NUP153: variants seen among roughly 807,000 people sequenced by gnomAD.
NUP153 encodes nucleoporin 153, also known as nuclear pore complex protein Nup153.
In NUP153, 27 loss-of-function variants were observed where a neutral mutation model predicts 134.6. The ratio of observed to expected loss-of-function variants is 0.20; its 90% confidence interval spans 0.15 to 0.28. NUP153 has a LOEUF of 0.28. Ranked by LOEUF, NUP153 falls within the 10% of genes least tolerant of loss-of-function variation. The pLI, the probability that NUP153 is intolerant of heterozygous loss-of-function variation, is 1.00. For missense variants in NUP153, 1,821 were observed against 1,731.3 expected (o/e 1.05, Z -0.92); for synonymous variants, 640 against 623.5 (o/e 1.03, Z -0.40).
rs370220295 is a variant in NUP153, at chr6:17,656,963, T to C, written c.1395+4690A>G. Among the ~76,000 whole-genome samples the C allele has an allele frequency of 2.1e-4, 32 of 152,332 alleles. No homozygotes were observed. In the East Asian group the frequency reaches 5.0e-3, roughly 24 times the overall value. On this transcript the variant is annotated intron_variant, in intron 11 of 21. Coordinates refer to ENST00000262077, the MANE Select transcript of NUP153 (RefSeq NM_005124.4). Reference sequence around the variant, plus strand: ...TTCCAGCCAATTTCAGTCAGTTTTGTTATCTTGCAAGTGGAGAGGGCTTTA... The same window carrying C: ...TTCCAGCCAATTTCAGTCAGTTTTGCTATCTTGCAAGTGGAGAGGGCTTTA...
chr6:17,664,945 C>CG (rs1047687459), intron 9 of NUP153, among the ~76,000 whole-genome samples: 7 of 149,934 alleles, frequency 4.7e-5, no homozygotes, highest in South Asian at 2.1e-4. Flanking sequence ...CCCAGCTACT[C>CG]GGGGGGCTGA....
rs1310817984 is a variant in NUP153 at position 17,629,435 on chromosome 6, C to G, written c.2764G>C (p.Gly922Arg). Residue 922 changes from glycine (G) to arginine (R), a missense_variant, in exon 18 of 22, where the codon GGA (glycine) becomes CGA (arginine). By Grantham distance (125) the Gly-to-Arg change is moderately radical. Transcript: ENST00000262077. Reference sequence around the variant, plus strand: ...CCCTGATCTCCAAATTTAAAATTTCCAGTGCTTGTTAAAGTCTGAGAAGGC... The same window carrying G: ...CCCTGATCTCCAAATTTAAAATTTCGAGTGCTTGTTAAAGTCTGAGAAGGC... ...SGPSQTLTST[G>R]NFKFGDQGGF... The G allele has an allele frequency of 6.2e-7, 1 of 1,613,976 alleles. No individual in the cohort carries two copies. The highest frequency in any genetic ancestry group is 1.1e-5 in the South Asian group (1 of 91,072).
chr6:17,669,597 T>C (rs1383544286), intron 5 of NUP153, 51 bp from the exon 6 acceptor site: 1 of 1,202,216 alleles, frequency 8.3e-7, no homozygotes, highest in Non-Finnish European at 1.2e-6. Context: ...CTAAGGCACA[T>C]ATTTCATGCA....
intron 11 of NUP153, among the ~76,000 whole-genome samples, chr6:17,660,906 A>T (rs1277604402): frequency 6.6e-6 from 1 of 152,210 alleles, no homozygotes; most frequent in Non-Finnish European, 1.5e-5. Context: ...ATGTATCCTG[A>T]TGGCAGAATG....
At chr6:17,693,187 CA>C (rs1769389028) in intron 1 of NUP153, among the ~76,000 whole-genome samples, 5 of 92,686 alleles carry the variant, frequency 5.4e-5, no homozygotes, top group African/African-American at 1.8e-4. Flanking sequence ...TTTTCCTACA[CA>C]CACACACACA....
In NUP153 at chr6:17,649,061, T is replaced by C. The variant is rs890923158; in HGVS notation, c.1533+102A>G. 7 of 1,086,246 alleles carry C rather than the reference T, an allele frequency of 6.4e-6. No homozygotes were observed. In the African/African-American group the frequency reaches 9.8e-5, roughly 15 times the overall value. 67.3% of individuals were successfully genotyped at this position (1,086,246 alleles called of 1,614,324 possible). A position where few individuals can be genotyped will look rare whatever the true frequency, so the allele number is the denominator to read the frequency against. ...TTTCTCTGTTTACTATGTTATTAAT[T>C]TCCATAATGAAAATTAAACACTGTT... On this transcript the variant is annotated intron_variant, in intron 12 of 21. Transcript: ENST00000262077.
chr6:17,687,299 C>A lies in NUP153; in HGVS notation c.334+1097G>T, dbSNP rs566117304. Among the ~76,000 whole-genome samples, 63 of 152,096 alleles carry A rather than the reference C, an allele frequency of 4.1e-4. 1 individual carries two copies. In the South Asian group the frequency reaches 0.013, roughly 32 times the overall value. ...AACCAAAAGGAAACAAATCTCATAA[C>A]CAGGAAACAGAGGGGGGAAAACAGA... On this transcript the variant is annotated intron_variant, in intron 2 of 21. Transcript: ENST00000262077.
At chr6:17,644,261 G>A (rs1053503301) in intron 14 of NUP153, among the ~76,000 whole-genome samples, 4 of 151,990 alleles carry the variant, frequency 2.6e-5, no homozygotes, top group African/African-American at 9.7e-5. Flanking sequence ...AACGCTTTTC[G>A]ATAAGGTAAT....
chr6:17,683,871 T>C (rs981587148), intron 2 of NUP153, among the ~76,000 whole-genome samples: 2 of 152,164 alleles, frequency 1.3e-5, no homozygotes, highest in African/African-American at 4.8e-5. Flanking sequence ...GTTTAGATGT[T>C]TGTCCCTCCA....
rs1203568256 is a variant in NUP153 at position 17,675,019 on chromosome 6, A to G, written c.738T>C (p.Ser246=). 10 of 1,613,206 alleles carry G rather than the reference A, an allele frequency of 6.2e-6. No individual in the cohort carries two copies. The highest frequency in any genetic ancestry group is 7.6e-6 in the Non-Finnish European group (9 of 1,179,710). Residue 246 remains serine (S), a synonymous_variant, in exon 5 of 22, where the codon TCT becomes TCC. Coordinates refer to ENST00000262077, the MANE Select transcript of NUP153 (RefSeq NM_005124.4). This position sits in a 1 kb window ranked among gnomAD's most constrained non-coding sequence, Gnocchi z 4.4. ...CAAGCTGACTGGTTTTAAGGATTGAAGAATTCCCAAGTGACTGCACAGAAA... is the reference window on the plus strand; with the variant it reads ...CAAGCTGACTGGTTTTAAGGATTGAGGAATTCCCAAGTGACTGCACAGAAA... The part of the protein sequence containing the change: ...FGTLSPSLGN[S]SILKTSQLGD...
At chr6:17,634,900 C>T (rs140596634) in intron 16 of NUP153, among the ~76,000 whole-genome samples, 1,771 of 151,302 alleles carry the variant, frequency 0.012, 33 homozygotes, top group African/African-American at 0.041. Flanking sequence ...CCACACTGGA[C>T]AAAAAGAATT....
At position 17,625,941 on chromosome 6, in the gene NUP153, T is replaced by C; in HGVS notation, c.3768A>G (p.Gln1256=). ...SSTSQSLLFS[Q]DSKLATTSST... is the part of the protein sequence containing the mutation. ...TGGATGTGGTTGCTAGTTTGCTATC[T>C]TGAGAAAATAGCAAAGACTGAGAGG... The change falls in exon 19 of 22, where the codon CAA becomes CAG. Residue 1256 remains glutamine, a synonymous_variant. Coordinates refer to ENST00000262077, the MANE Select transcript of NUP153 (RefSeq NM_005124.4). This position sits in a 1 kb window ranked among gnomAD's most constrained non-coding sequence, Gnocchi z 4.7. 6.2e-7 allele frequency: 1 copy of C among 1,614,140 alleles called. No homozygotes were observed. The highest frequency in any genetic ancestry group is 8.5e-7 in the Non-Finnish European group (1 of 1,180,012).
chr6:17,637,695 G>A lies in NUP153; in HGVS notation c.1922C>T (p.Ala641Val), dbSNP rs903113441. Residue 641 changes from alanine to valine, a missense_variant, in exon 16 of 22, where the codon GCA becomes GTA. Ala to Val is a moderately conservative substitution (Grantham distance 64). Transcript: ENST00000262077. ...TCCACTAGAAGAAAAGCTACTTATT[G>A]CTGGTCTTGTATAAACTACTGGGCT... ...ATSPVVYTRP[A>V]ISSFSSSGIG... 6.2e-7 allele frequency: 1 copy of A among 1,610,822 alleles called. No individual in the cohort carries two copies. The highest frequency in any genetic ancestry group is 1.3e-5 in the African/African-American group (1 of 74,902).
chr6:17,637,917 A>T (rs1765644310), intron 15 of NUP153, 147 bp from the exon 16 acceptor site: 2 of 880,688 alleles, frequency 2.3e-6, no homozygotes, highest in Admixed American at 6.0e-5. Flanking sequence ...TTTTCACTTA[A>T]GTAATCATAT....
intron 5 of NUP153, among the ~76,000 whole-genome samples, chr6:17,672,873 T>C (rs1767999944): frequency 6.6e-6 from 1 of 152,070 alleles, no homozygotes; most frequent in African/African-American, 2.4e-5. Context: ...CAATACCTCA[T>C]ACCACACACA....
intron 14 of NUP153, among the ~76,000 whole-genome samples, chr6:17,641,915 T>C (rs755034019): frequency 1.2e-4 from 18 of 152,084 alleles, no homozygotes; most frequent in South Asian, 2.1e-4. Context: ...GCTGGCTAAA[T>C]AGTATATGGG....
intron 21 of NUP153, 31 bp from the exon 22 acceptor site, chr6:17,616,212 A>G (rs1239429771): frequency 2.2e-6 from 3 of 1,349,188 alleles, no homozygotes; most frequent in Non-Finnish European, 3.0e-6. Flanking sequence ...ATAATGTGAC[A>G]TGATGCTCTG....
At chr6:17,677,559 C>T (rs186993414) in intron 2 of NUP153, among the ~76,000 whole-genome samples, 1 of 152,056 alleles carries the variant, frequency 6.6e-6, no homozygotes, top group Non-Finnish European at 1.5e-5. Flanking sequence ...ATTATTTTGA[C>T]TAGGATCACA....
chr6:17,619,297 G>A (rs1312356748), intron 20 of NUP153, among the ~76,000 whole-genome samples: 1 of 152,164 alleles, frequency 6.6e-6, no homozygotes, highest in African/African-American at 2.4e-5. Flanking sequence ...AGAGATGTAT[G>A]GCCTCAATGT....
Sources: allele counts gnomAD v4.1 joint callset (sites outside exome capture counted in the v4.1 genomes callset), GRCh38; gene constraint gnomAD v4.1.1; non-coding constraint Gnocchi (gnomAD v3.1); transcripts MANE v1.5; gene names NCBI Gene and HGNC (gene_info 2026-07-23, HGNC 2026-07-21).